The following OSBPL5 variants were observed in gnomAD, a reference collection of about 807,000 sequenced individuals.
The protein encoded by OSBPL5 is oxysterol-binding protein-related protein 5.
A neutral mutation model predicts 111.2 loss-of-function variants in OSBPL5; 71 were observed. The observed-to-expected ratio is 0.64, with a 90% CI of 0.53 to 0.78. The LOEUF is 0.78. Ranked by LOEUF, OSBPL5 falls within the 30% of genes least tolerant of loss-of-function variation. The pLI, the probability that OSBPL5 is intolerant of heterozygous loss-of-function variation, is 0.00. For missense variants in OSBPL5, 1,210 were observed against 1,189.3 expected, an observed-to-expected ratio of 1.02 and a Z score of -0.26; for synonymous variants, 549 against 513.9, an observed-to-expected ratio of 1.07 and a Z score of -0.93.
chr11:3,095,745 T>C (rs1857233580), intron 14 of OSBPL5, among the ~76,000 whole-genome samples: 1 of 152,226 alleles, frequency 6.6e-6, no homozygotes, highest in South Asian at 2.1e-4. Flanking sequence ...ACCAATCCTG[T>C]TGGGTAACCA....
At chr11:3,157,651 A>T (rs1416848215) in intron 1 of OSBPL5, among the ~76,000 whole-genome samples, 1 of 152,244 alleles carries the variant, frequency 6.6e-6, no homozygotes, top group Non-Finnish European at 1.5e-5. Context: ...AGCACCCAGC[A>T]GCCCATGGAG....
chr11:3,100,915 C>T (rs941167887), intron 13 of OSBPL5, among the ~76,000 whole-genome samples: 2 of 152,066 alleles, frequency 1.3e-5, no homozygotes, highest in East Asian at 3.9e-4. Context: ...CACTCCGGGG[C>T]CAACACTGAG....
intron 1 of OSBPL5, among the ~76,000 whole-genome samples, chr11:3,159,172 A>G (rs1056933748): frequency 6.6e-6 from 1 of 152,194 alleles, no homozygotes; most frequent in African/African-American, 2.4e-5. Flanking sequence ...GCCACAGAGA[A>G]TGAAACATGA....
rs760619077 is a variant in OSBPL5 at position 3,090,567 on chromosome 11, A to C, written c.2389T>G (p.Phe797Val). Residue 797 changes from phenylalanine to valine, a missense_variant, in exon 20 of 22, where the codon TTT (phenylalanine) becomes GTT (valine). Physicochemically the swap from Phe to Val is conservative, Grantham distance 50. Coordinates refer to ENST00000263650, the MANE Select transcript of OSBPL5 (RefSeq NM_020896.4). ...ELSDEEQDGD[F>V]VPGGESPCPR... ...GCCCAAGGGGGCTCACCAGGGACAAAGTCACCATCCTGCTCCTCGTCTGAG... is the reference window on the plus strand; with the variant it reads ...GCCCAAGGGGGCTCACCAGGGACAACGTCACCATCCTGCTCCTCGTCTGAG... 1 of 1,612,648 alleles carries C rather than the reference A, an allele frequency of 6.2e-7. No individual in the cohort carries two copies. The highest frequency in any genetic ancestry group is 8.5e-7 in the Non-Finnish European group (1 of 1,179,670).
Position 3,104,268 on chromosome 11 carries a change from G to A in OSBPL5, c.1169C>T (p.Pro390Leu). 1 of 1,613,854 alleles carries A rather than the reference G, an allele frequency of 6.2e-7. No individual in the cohort carries two copies. Among genetic ancestry groups the A allele is most frequent in the Non-Finnish European group, 8.5e-7 (1 of 1,179,978 alleles). Residue 390 changes from proline to leucine, a missense_variant, in exon 10 of 22, where the codon CCC becomes CTC. Physicochemically the swap from Pro to Leu is moderately conservative, Grantham distance 98. Transcript: ENST00000263650. The surrounding 1 kb of genome is among the most constrained non-coding windows in gnomAD (Gnocchi z 5.0). ...PGMDLSRVVL[P>L]TFVLEPRSFL... is the part of the protein sequence containing the mutation. Reference sequence around the variant, plus strand: ...GGAGCGCGGCTCCAGTACGAACGTGGGTAGCACCACGCGGGACAGGTCCAT... The same window carrying A: ...GGAGCGCGGCTCCAGTACGAACGTGAGTAGCACCACGCGGGACAGGTCCAT...
rs750856165 is a variant in OSBPL5, at chr11:3,101,686, G to C, written c.1439C>G (p.Pro480Arg). 1.9e-6 allele frequency: 3 copies of C among 1,613,496 alleles called. No individual in the cohort carries two copies. The highest frequency in any genetic ancestry group is 2.5e-6 in the Non-Finnish European group (3 of 1,179,894). Residue 480 changes from proline to arginine, a missense_variant, in exon 13 of 22, where the codon CCG becomes CGG. Transcript: ENST00000263650. ...FYIAEQVSHH[P>R]PVSAFHVSNR... is the part of the protein sequence containing the mutation. Reference sequence around the variant, plus strand: ...GCTGACGTGGAAGGCAGACACGGGCGGGTGGTGGGACACCTGCGTGCAGGG... The same window carrying C: ...GCTGACGTGGAAGGCAGACACGGGCCGGTGGTGGGACACCTGCGTGCAGGG...
intron 1 of OSBPL5, among the ~76,000 whole-genome samples, chr11:3,160,464 T>C (rs1283816861): frequency 1.3e-5 from 2 of 152,158 alleles, no homozygotes; most frequent in Non-Finnish European, 2.9e-5. Flanking sequence ...TAGGCGGGCA[T>C]ACAAATGCCG....
chr11:3,093,019 C>A lies in OSBPL5; in HGVS notation c.1980G>T (p.Lys660Asn). Residue 660 changes from lysine (K) to asparagine (N), a missense_variant, in exon 18 of 22, where the codon AAG becomes AAT. By Grantham distance (94) the Lys-to-Asn change is moderately conservative. Transcript: ENST00000263650. ...LWQHVTRAISKGDQHRATQEK... is the reference protein window; with the variant it reads ...LWQHVTRAISNGDQHRATQEK... ...CCTGTGTGGCCCTGTGCTGGTCGCC[C>A]TTGCTGATGGCCCTGGTGACGTGCT... The A allele has an allele frequency of 6.2e-7, 1 of 1,600,844 alleles. No homozygotes were observed. The highest frequency in any genetic ancestry group is 8.5e-7 in the Non-Finnish European group (1 of 1,175,086).
rs931973891 is a variant in OSBPL5 at position 3,113,605 on chromosome 11, G to T, written c.692-5660C>A. ...GGAGGCAGAGGTAACAGTGAGCCAA[G>T]ATCGCACCACTGCACTCCAGCCTGG... On this transcript the variant is annotated intron_variant, in intron 7 of 21. Transcript: ENST00000263650. This position sits in a 1 kb window ranked among gnomAD's most constrained non-coding sequence, Gnocchi z 4.8. Among the ~76,000 whole-genome samples the T allele has an allele frequency of 6.6e-6, 1 of 151,650 alleles. No homozygotes were observed. Among genetic ancestry groups the T allele is most frequent in the Non-Finnish European group, 1.5e-5 (1 of 67,968 alleles).
chr11:3,110,103 G>A lies in OSBPL5; in HGVS notation c.692-2158C>T, dbSNP rs560529048. Among the ~76,000 whole-genome samples, 5 of 152,318 alleles carry A rather than the reference G, an allele frequency of 3.3e-5. No homozygotes were observed. The highest frequency in any genetic ancestry group is 2.6e-4 in the Admixed American group (4 of 15,310). ...GGCACTCAGGATGGCCCAGGAAGGA[G>A]CATGGATGTGGCATCTGACCACCAG... On this transcript the variant is annotated intron_variant, in intron 7 of 21. Transcript: ENST00000263650. This position sits in a 1 kb window ranked among gnomAD's most constrained non-coding sequence, Gnocchi z 5.3.
At chr11:3,120,672 C>T (rs1858376793) in intron 5 of OSBPL5, 48 bp from the exon 6 acceptor site, 2 of 1,594,722 alleles carry the variant, frequency 1.3e-6, no homozygotes, top group African/African-American at 2.7e-5. Context: ...GGGCCGCCAT[C>T]CCTGGGGCAT....
Position 3,092,357 on chromosome 11 carries a change from G to A in OSBPL5, c.2259+75C>T. 1.4e-6 allele frequency: 2 copies of A among 1,473,984 alleles called. No individual in the cohort carries two copies. Among genetic ancestry groups the A allele is most frequent in the Non-Finnish European group, 1.8e-6 (2 of 1,106,644 alleles). 91.3% of individuals were successfully genotyped at this position (1,473,984 alleles called of 1,614,324 possible). ...CGGAGCGAGGGGAAGGGAGGAGTGA[G>A]GTGAGGAGCGAGGGGTGGTGGTGGC... On this transcript the variant is annotated intron_variant, in intron 19 of 21. Coordinates refer to ENST00000263650, the MANE Select transcript of OSBPL5 (RefSeq NM_020896.4). This position sits in a 1 kb window ranked among gnomAD's most constrained non-coding sequence, Gnocchi z 5.4.
chr11:3,127,264 T>A (rs1306326054), intron 2 of OSBPL5, among the ~76,000 whole-genome samples: 4 of 152,146 alleles, frequency 2.6e-5, no homozygotes, highest in Non-Finnish European at 4.4e-5. Context: ...ACTGCCCCGG[T>A]CCCTGACACT....
At chr11:3,117,047 A>G (rs1164976109) in intron 7 of OSBPL5, among the ~76,000 whole-genome samples, 1 of 152,226 alleles carries the variant, frequency 6.6e-6, no homozygotes, top group Non-Finnish European at 1.5e-5. Flanking sequence ...CAGAATTTGA[A>G]AACTATCTGT....
chr11:3,132,370 T>C (rs1845838431), intron 1 of OSBPL5, among the ~76,000 whole-genome samples: 1 of 152,022 alleles, frequency 6.6e-6, no homozygotes, highest in Non-Finnish European at 1.5e-5. Context: ...GTGGAGCCCT[T>C]CTGGAGCCCC....
In OSBPL5 at chr11:3,095,991, G is replaced by A. The variant is rs369511558; in HGVS notation, c.1622-1657C>T. The stretch of plus-strand genomic sequence containing the variant: ...TGTGCTGAACGTGATCAGGCATCTC[G>A]AGATCAAATCAATTCGTGGTTTATA... On this transcript the variant is annotated intron_variant, in intron 14 of 21. Transcript: ENST00000263650. Among the ~76,000 whole-genome samples the A allele has an allele frequency of 8.5e-5, 13 of 152,126 alleles. No individual in the cohort carries two copies. In the South Asian group the frequency reaches 1.0e-3, roughly 12 times the overall value.
intron 1 of OSBPL5, chr11:3,160,912 A>T (rs776557269): frequency 1.3e-5 from 2 of 152,146 alleles, no homozygotes; most frequent in Non-Finnish European, 2.9e-5. Flanking sequence ...AGCACAGGGC[A>T]CTTACCAAGG....
At position 3,107,785 on chromosome 11, in the gene OSBPL5, G is replaced by A. The variant is rs1383417571; in HGVS notation, c.852C>T (p.Asp284=). The change falls in exon 8 of 22, where the codon GAC becomes GAT. Residue 284 remains aspartate (D), a synonymous_variant. Transcript: ENST00000263650. This position sits in a 1 kb window ranked among gnomAD's most constrained non-coding sequence, Gnocchi z 6.1. ...GCCCCACTCACGGGAACAGGTCTTG[G>A]TCTGGGTGGACGGTGGCTGAGGCTG... ...GLPASATVHP[D]QDLFPLNGSS... The A allele has an allele frequency of 5.0e-6, 8 of 1,612,386 alleles. No individual in the cohort carries two copies. In the East Asian group the frequency reaches 1.8e-4, roughly 36 times the overall value.
At chr11:3,155,874 C>A (rs372557395) in intron 1 of OSBPL5, among the ~76,000 whole-genome samples, 8 of 152,252 alleles carry the variant, frequency 5.3e-5, no homozygotes, top group Non-Finnish European at 8.8e-5. Context: ...GTGCTGGAAC[C>A]GGCTGTGAGC....
Sources: allele counts gnomAD v4.1 joint callset (sites outside exome capture counted in the v4.1 genomes callset), GRCh38; gene constraint gnomAD v4.1.1; non-coding constraint Gnocchi (gnomAD v3.1); transcripts MANE v1.5; gene names NCBI Gene and HGNC (gene_info 2026-07-23, HGNC 2026-07-21).